Variants in AOAH observed in about 807,000 individuals in gnomAD.
AOAH encodes acyloxyacyl hydrolase, also known as acyloxyacyl hydrolase (neutrophil).
AOAH carries 64 observed loss-of-function variants against 92.2 expected under a neutral mutation model. The ratio of observed to expected loss-of-function variants is 0.69; its 90% CI spans 0.57 to 0.86. The LOEUF is 0.86. Among genes scored for constraint, AOAH ranks in the 40% least tolerant of loss-of-function variants. The pLI is 0.00. For synonymous variants in AOAH, 263 were observed against 254.5 expected (o/e 1.03, Z -0.32); for missense variants, 656 against 694.6 (o/e 0.94, Z 0.62).
chr7:36,518,688 T>C (rs1287085865), intron 20 of AOAH, among the ~76,000 whole-genome samples: 1 of 152,266 alleles, frequency 6.6e-6, no homozygotes, highest in African/African-American at 2.4e-5. Flanking sequence ...TCCTTTGTAG[T>C]TGAACATCTT....
intron 13 of AOAH, among the ~76,000 whole-genome samples, chr7:36,558,277 G>A (rs1786949917): frequency 6.6e-6 from 1 of 152,228 alleles, no homozygotes; most frequent in Admixed American, 6.5e-5. Context: ...CTGGGTATCA[G>A]CAGCAGTGTC....
chr7:36,645,615 G>T (rs1022505283), intron 4 of AOAH, among the ~76,000 whole-genome samples: 2 of 152,082 alleles, frequency 1.3e-5, no homozygotes, highest in Non-Finnish European at 2.9e-5. Flanking sequence ...TATTAAATCT[G>T]CATTCTGCTG....
At chr7:36,531,660 T>C (rs1166717887) in intron 18 of AOAH, among the ~76,000 whole-genome samples, 1 of 152,160 alleles carries the variant, frequency 6.6e-6, no homozygotes, top group African/African-American at 2.4e-5. Flanking sequence ...AATAAGTCTT[T>C]TACAAAGAGA....
chr7:36,529,091 T>G (rs1014907397), intron 19 of AOAH, among the ~76,000 whole-genome samples: 1 of 152,146 alleles, frequency 6.6e-6, no homozygotes, highest in African/African-American at 2.4e-5. Flanking sequence ...ACACATTATT[T>G]CATAGAATCA....
chr7:36,557,182 G>A (rs542868201), intron 13 of AOAH, among the ~76,000 whole-genome samples: 1 of 151,882 alleles, frequency 6.6e-6, no homozygotes, highest in East Asian at 1.9e-4. Flanking sequence ...CAGGCCTGGT[G>A]GTGACAAAAT....
intron 9 of AOAH, among the ~76,000 whole-genome samples, chr7:36,619,385 T>C (rs1207924332): frequency 6.6e-6 from 1 of 152,186 alleles, no homozygotes; most frequent in Non-Finnish European, 1.5e-5. Context: ...TGGATTTCCA[T>C]TGATCTAGTA....
At chr7:36,705,616 A>T (rs529944140) in intron 1 of AOAH, among the ~76,000 whole-genome samples, 1 of 152,326 alleles carries the variant, frequency 6.6e-6, no homozygotes, top group South Asian at 2.1e-4. Flanking sequence ...CTTTCTTCAC[A>T]GAATTAGAAA....
intron 11 of AOAH, among the ~76,000 whole-genome samples, chr7:36,607,838 C>T (rs1791122582): frequency 6.6e-6 from 1 of 152,168 alleles, no homozygotes; most frequent in Non-Finnish European, 1.5e-5. Flanking sequence ...GTGATTGCCT[C>T]TAGCCGGGCA....
chr7:36,621,968 A>C (rs1792312896), intron 7 of AOAH, among the ~76,000 whole-genome samples, 188 bp from the exon 8 acceptor site: 1 of 152,156 alleles, frequency 6.6e-6, no homozygotes, highest in Non-Finnish European at 1.5e-5. Context: ...AGTGACATGT[A>C]ATATAACACT....
rs138925589 is a variant in AOAH at position 36,674,422 on chromosome 7, A to G, written c.224-413T>C. Among the ~76,000 whole-genome samples the G allele has an allele frequency of 3.4e-3, 525 of 152,304 alleles. 4 individuals carry two copies. The highest frequency in any genetic ancestry group is 0.012 in the African/African-American group (511 of 41,556). On this transcript the variant is annotated intron_variant, in intron 2 of 20. Coordinates refer to ENST00000617537, the MANE Select transcript of AOAH (RefSeq NM_001637.4). ...AAATGGTCTTTTCTGGTGTTTATTC[A>G]AAGGAAAATACTTCACTTGGGGTCC...
rs570394171 is a variant in AOAH, at chr7:36,668,278, A to C, written c.290+5665T>G. ...AAAACTCACAAAAGAGTGGGTGGGC[A>C]CACCCCTATGACTTGGTTCCCCTGG... On this transcript the variant is annotated intron_variant, in intron 3 of 20. Coordinates refer to ENST00000617537, the MANE Select transcript of AOAH (RefSeq NM_001637.4). Among the ~76,000 whole-genome samples, 23 of 152,272 alleles carry C rather than the reference A, an allele frequency of 1.5e-4. No homozygotes were observed. The South Asian group carries it at 4.8e-3, about 32-fold the overall frequency.
chr7:36,516,035 T>G lies in AOAH; in HGVS notation c.1600-2655A>C, dbSNP rs751273611. Among the ~76,000 whole-genome samples, 7 of 126,516 alleles carry G rather than the reference T, an allele frequency of 5.5e-5. No homozygotes were observed. Among genetic ancestry groups the G allele is most frequent in the Non-Finnish European group, 9.9e-5 (6 of 60,648 alleles). The allele number at this position is 126,516 out of a possible 152,430, so 83.0% of individuals were successfully genotyped here. On this transcript the variant is annotated intron_variant, in intron 20 of 20. Transcript: ENST00000617537. This position sits in a 1 kb window ranked among gnomAD's most constrained non-coding sequence, Gnocchi z 5.0. ...CTCACAACCCCACACAACACATAAA[T>G]ACGTCACACACACACACACCACACA...
At chr7:36,513,909 T>A (rs902344007) in intron 20 of AOAH, among the ~76,000 whole-genome samples, 2 of 152,248 alleles carry the variant, frequency 1.3e-5, no homozygotes, top group Admixed American at 6.5e-5. Flanking sequence ...TGTATTGTGT[T>A]AAGCTGCTAA....
intron 1 of AOAH, among the ~76,000 whole-genome samples, chr7:36,719,975 T>C (rs1339513932): frequency 6.6e-6 from 1 of 151,396 alleles, no homozygotes; most frequent in Non-Finnish European, 1.5e-5. Flanking sequence ...CTTGCTCAGA[T>C]GGGATGATCA....
At chr7:36,631,001 G>A (rs1292312537) in intron 6 of AOAH, among the ~76,000 whole-genome samples, 1 of 152,178 alleles carries the variant, frequency 6.6e-6, no homozygotes, top group Non-Finnish European at 1.5e-5. Flanking sequence ...CTGGCACCTG[G>A]AACAGCGCCC....
At chr7:36,589,486 T>G (rs747207256) in intron 12 of AOAH, among the ~76,000 whole-genome samples, 9 of 152,102 alleles carry the variant, frequency 5.9e-5, no homozygotes, top group Non-Finnish European at 1.0e-4. Context: ...GGGGAAGACA[T>G]AGTGGGTAGC....
intron 6 of AOAH, among the ~76,000 whole-genome samples, chr7:36,624,534 G>A (rs1792497765): frequency 1.3e-5 from 2 of 152,200 alleles, no homozygotes; most frequent in East Asian, 1.9e-4. Flanking sequence ...TCTACAGCCT[G>A]TATTCTACTC....
At chr7:36,679,667 AT>A (rs1209797691) in intron 2 of AOAH, among the ~76,000 whole-genome samples, 3 of 148,676 alleles carry the variant, frequency 2.0e-5, no homozygotes, top group South Asian at 2.1e-4. Context: ...CCACATAATT[AT>A]TTTTTTTTGA....
intron 15 of AOAH, 102 bp downstream of exon 15, chr7:36,548,510 G>C: frequency 1.0e-6 from 1 of 988,036 alleles, no homozygotes; most frequent in East Asian, 2.6e-5. Flanking sequence ...GAGAAATTCA[G>C]CTGAACAGCA....
Sources: allele counts gnomAD v4.1 joint callset (sites outside exome capture counted in the v4.1 genomes callset), GRCh38; gene constraint gnomAD v4.1.1; non-coding constraint Gnocchi (gnomAD v3.1); transcripts MANE v1.5; gene names NCBI Gene and HGNC (gene_info 2026-07-23, HGNC 2026-07-21).